The following EIF3H variants were observed in gnomAD, a reference collection of about 807,000 sequenced individuals.
EIF3H encodes eIF-3-gamma.
A neutral mutation model predicts 44.2 loss-of-function variants in EIF3H; 26 were observed. That is an observed-to-expected ratio of 0.59 (90% CI 0.43 to 0.82). EIF3H has a LOEUF of 0.82. EIF3H is among the 40% of genes least tolerant of loss of function. The probability of loss-of-function intolerance (pLI) is 0.00; values close to 1 mark genes in which losing one functional copy is unlikely to be tolerated. For synonymous variants in EIF3H, 166 were observed against 151.9 expected (o/e 1.09, Z -0.68); for missense variants, 359 against 432.8 (o/e 0.83, Z 1.51).
chr8:116,646,747 C>T (rs1275317095), intron 6 of EIF3H, 144 bp from the exon 7 acceptor site: 14 of 1,155,788 alleles, frequency 1.2e-5, no homozygotes, highest in South Asian at 3.0e-5. Context: ...TGGTAACTTG[C>T]GTCTAAGAAG....
intron 1 of EIF3H, among the ~76,000 whole-genome samples, chr8:116,751,587 CTA>C (rs1179348877): frequency 6.6e-6 from 1 of 152,116 alleles, no homozygotes; most frequent in Non-Finnish European, 1.5e-5. Flanking sequence ...TATGAGATGC[CTA>C]TGAGATATCC....
upstream of EIF3H, among the ~76,000 whole-genome samples, chr8:116,757,771 G>A (rs1815474467): frequency 6.6e-6 from 1 of 151,242 alleles, no homozygotes; most frequent in South Asian, 2.1e-4. Context: ...ACCCAGGCTG[G>A]AGTGCAATGG....
chr8:116,765,365 A>C (rs976597724), intron 1 of EIF3H: 1 of 152,258 alleles, frequency 6.6e-6, no homozygotes, highest in Non-Finnish European at 1.5e-5. Flanking sequence ...ATTGAAATAA[A>C]ACCCCAAATG....
chr8:116,725,941 A>T, intron 2 of EIF3H, 75 bp downstream of exon 2: 1 of 1,470,634 alleles, frequency 6.8e-7, no homozygotes, highest in Non-Finnish European at 9.1e-7. Flanking sequence ...ACACATTATC[A>T]AAAGTTATGG....
At chr8:116,721,086 C>A (rs1435912251) in intron 2 of EIF3H, among the ~76,000 whole-genome samples, 2 of 152,152 alleles carry the variant, frequency 1.3e-5, no homozygotes, top group Non-Finnish European at 1.5e-5. Context: ...GAGACCTTCA[C>A]AGCAGCAGCT....
intron 6 of EIF3H, among the ~76,000 whole-genome samples, chr8:116,648,090 A>T (rs1007683318): frequency 2.0e-5 from 3 of 152,236 alleles, no homozygotes; most frequent in Non-Finnish European, 2.9e-5. Context: ...TTCTATATTT[A>T]ACAAAGCTCT....
At chr8:116,730,422 T>TCCAGAAA (rs1814931955) in intron 1 of EIF3H, among the ~76,000 whole-genome samples, 1 of 152,158 alleles carries the variant, frequency 6.6e-6, no homozygotes, top group Non-Finnish European at 1.5e-5. Context: ...AACAGTGTCA[T>TCCAGAAA]CCAGAAACCA....
chr8:116,685,970 A>G (rs904134025), intron 2 of EIF3H, among the ~76,000 whole-genome samples: 1 of 152,178 alleles, frequency 6.6e-6, no homozygotes, highest in African/African-American at 2.4e-5. Context: ...AAGTGTTTAG[A>G]AATAAAATGT....
chr8:116,711,382 T>A (rs1814569901), intron 2 of EIF3H, among the ~76,000 whole-genome samples: 1 of 152,218 alleles, frequency 6.6e-6, no homozygotes, highest in African/African-American at 2.4e-5. Flanking sequence ...GTACTGAATC[T>A]TTTTAATGTT....
intron 2 of EIF3H, among the ~76,000 whole-genome samples, chr8:116,668,318 G>C (rs1255363885): frequency 2.6e-5 from 4 of 152,200 alleles, no homozygotes; most frequent in African/African-American, 4.8e-5. Context: ...AGAAAGACTG[G>C]AAAGAAATAT....
chr8:116,696,950 C>T (rs1251063513), intron 2 of EIF3H: 3 of 358,476 alleles, frequency 8.4e-6, no homozygotes, highest in Non-Finnish European at 1.6e-5. Context: ...AGAACATGTA[C>T]ACAAACAAAA....
chr8:116,643,542 G>T lies in EIF3H; in HGVS notation c.*1464C>A, dbSNP rs1813254732. 2 of 152,136 alleles carry T rather than the reference G, an allele frequency of 1.3e-5. No individual in the cohort carries two copies. The highest frequency in any genetic ancestry group is 4.8e-5 in the African/African-American group (2 of 41,424). The allele number at this position is 152,136 out of a possible 1,614,324, so 9.4% of individuals were successfully genotyped here. A position where few individuals can be genotyped will look rare whatever the true frequency, so the allele number is the denominator to read the frequency against. ...GGCTGCCACATACCAACCAGAGTTTGCATGCTTCACCCAAACCCCCAACAA... is the reference window on the plus strand; with the variant it reads ...GGCTGCCACATACCAACCAGAGTTTTCATGCTTCACCCAAACCCCCAACAA... On this transcript the variant is annotated 3_prime_UTR_variant, in exon 8 of 8. Transcript: ENST00000521861.
intron 2 of EIF3H, among the ~76,000 whole-genome samples, chr8:116,666,775 A>AAAAT (rs1813676138): frequency 6.6e-6 from 1 of 151,142 alleles, no homozygotes; most frequent in African/African-American, 2.4e-5. Context: ...AAAAAAAAAA[A>AAAAT]ATTACACTAT....
chr8:116,744,623 G>A (rs1444831578), intron 1 of EIF3H, among the ~76,000 whole-genome samples: 1 of 152,096 alleles, frequency 6.6e-6, no homozygotes, highest in Non-Finnish European at 1.5e-5. Flanking sequence ...TTTAAAGAAT[G>A]ATCTACCTAC....
intron 1 of EIF3H, among the ~76,000 whole-genome samples, chr8:116,753,308 C>T (rs559608617): frequency 3.8e-4 from 58 of 152,186 alleles, no homozygotes; most frequent in African/African-American, 1.4e-3. Flanking sequence ...TCACTAAGTT[C>T]GTCAAGAATC....
chr8:116,755,794 C>G lies in EIF3H; in HGVS notation c.4G>C (p.Ala2Pro). Residue 2 changes from alanine to proline, a missense_variant, in exon 1 of 8, where the codon GCG becomes CCG. Ala to Pro is a conservative substitution (Grantham distance 27, BLOSUM62 -1). This residue lies in a region of EIF3H where 59 missense variants were observed against 33.5 expected (regional missense o/e 1.76). Coordinates refer to ENST00000521861, the MANE Select transcript of EIF3H (RefSeq NM_003756.3). ...GAGCCGGTACCTTCCTTGCGGGACGCCATCTTTCCAAGCAGACAGGAAGAA... is the reference window on the plus strand; with the variant it reads ...GAGCCGGTACCTTCCTTGCGGGACGGCATCTTTCCAAGCAGACAGGAAGAA... M[A>P]SRKEGTGSTA... The G allele has an allele frequency of 1.2e-6, 2 of 1,613,482 alleles. No individual in the cohort carries two copies. Among genetic ancestry groups the G allele is most frequent in the East Asian group, 2.2e-5 (1 of 44,864 alleles).
chr8:116,698,112 C>T (rs1814300544), intron 2 of EIF3H, among the ~76,000 whole-genome samples: 1 of 152,166 alleles, frequency 6.6e-6, no homozygotes, highest in Non-Finnish European at 1.5e-5. Context: ...ATGTCTTGAT[C>T]ATTATACCCG....
chr8:116,696,574 T>C (rs374027958), intron 2 of EIF3H, among the ~76,000 whole-genome samples: 17 of 152,358 alleles, frequency 1.1e-4, no homozygotes, highest in African/African-American at 3.8e-4. Context: ...AAGATAGGCA[T>C]ACTTCATGAC....
chr8:116,692,906 T>C (rs975242033), intron 2 of EIF3H, among the ~76,000 whole-genome samples: 4 of 152,208 alleles, frequency 2.6e-5, no homozygotes, highest in Non-Finnish European at 5.9e-5. Flanking sequence ...TAATTTTATC[T>C]TTGTATCAAT....
Sources: gnomAD v4.1 joint callset for allele counts (sites outside exome capture counted in the v4.1 genomes callset) on GRCh38, gnomAD v4.1.1 for gene constraint, gnomAD v4.1.1 regional missense constraint, MANE v1.5 for transcripts, NCBI Gene and HGNC (gene_info 2026-07-23, HGNC 2026-07-21) for gene names.